Variants in BBS9 observed in about 807,000 individuals in gnomAD.
BBS9 encodes protein PTHB1.
A neutral mutation model predicts 117.7 loss-of-function variants in BBS9; 89 were observed. The observed-to-expected ratio is 0.76, with a 90% CI of 0.64 to 0.90. The LOEUF (loss-of-function observed/expected upper bound fraction) is 0.90. Among genes scored for constraint, BBS9 ranks in the 40% least tolerant of loss-of-function variants. BBS9 has a pLI of 0.00. For missense variants in BBS9, 982 were observed against 1,042.2 expected (o/e 0.94, Z 0.80); for synonymous variants, 379 against 370.9 (o/e 1.02, Z -0.25).
chr7:33,618,661 G>T (rs1008537847), intron 21 of BBS9, among the ~76,000 whole-genome samples: 1 of 151,998 alleles, frequency 6.6e-6, no homozygotes, highest in Non-Finnish European at 1.5e-5. Context: ...TCCAGACCAG[G>T]CCGGGCAATA....
At chr7:33,204,405 T>TGA (rs1786513495) in intron 5 of BBS9, among the ~76,000 whole-genome samples, 1 of 25,768 alleles carries the variant, frequency 3.9e-5, no homozygotes, top group African/African-American at 1.6e-4. Flanking sequence ...AGACTCCATC[T>TGA]CAAAAAAAAA....
At chr7:33,242,877 G>A (rs530103102) in intron 5 of BBS9, 174 of 511,712 alleles carry the variant, frequency 3.4e-4, no homozygotes, top group Non-Finnish European at 6.3e-4. Context: ...ATAACATTCA[G>A]TTGGAGAAAC....
chr7:33,427,015 T>A (rs1176077428), intron 19 of BBS9, among the ~76,000 whole-genome samples: 3 of 152,150 alleles, frequency 2.0e-5, no homozygotes, highest in African/African-American at 7.2e-5. Flanking sequence ...AGAACAAGGT[T>A]TAAGCATGAT....
intron 2 of BBS9, among the ~76,000 whole-genome samples, chr7:33,151,219 T>C (rs1298568121): frequency 1.3e-5 from 2 of 151,774 alleles, no homozygotes; most frequent in Non-Finnish European, 2.9e-5. Context: ...ATCACTGTAC[T>C]CAAGCCTGGG....
intron 17 of BBS9, among the ~76,000 whole-genome samples, chr7:33,369,235 T>C (rs976721342): frequency 2.0e-5 from 3 of 152,180 alleles, no homozygotes; most frequent in Admixed American, 2.0e-4. Flanking sequence ...TATGCCAACA[T>C]TTCTTTGGGA....
At chr7:33,365,504 A>G (rs188533441) in intron 16 of BBS9, among the ~76,000 whole-genome samples, 6 of 152,312 alleles carry the variant, frequency 3.9e-5, no homozygotes, top group South Asian at 2.1e-4. Flanking sequence ...AGTGAGGGCT[A>G]TTGGGATCTT....
At chr7:33,492,572 G>A (rs1020716753) in intron 19 of BBS9, among the ~76,000 whole-genome samples, 5 of 152,142 alleles carry the variant, frequency 3.3e-5, no homozygotes, top group Non-Finnish European at 7.4e-5. Flanking sequence ...GGCCAGGCAG[G>A]TAACACAGAT....
At chr7:33,602,973 C>T (rs762452700) in intron 21 of BBS9, among the ~76,000 whole-genome samples, 9 of 152,088 alleles carry the variant, frequency 5.9e-5, no homozygotes, top group African/African-American at 9.7e-5. Context: ...TTTGAGCCCA[C>T]GTGATAGAGA....
intron 19 of BBS9, among the ~76,000 whole-genome samples, chr7:33,392,373 T>C (rs1827210124): frequency 6.6e-6 from 1 of 152,236 alleles, no homozygotes; most frequent in African/African-American, 2.4e-5. Context: ...AGGATGTATT[T>C]ACTCATGTAT....
chr7:33,463,377 G>T (rs115988193), intron 19 of BBS9, among the ~76,000 whole-genome samples: 1 of 151,986 alleles, frequency 6.6e-6, no homozygotes, highest in Non-Finnish European at 1.5e-5. Flanking sequence ...CCTGCATCTT[G>T]CTCTGTAGAT....
intron 19 of BBS9, among the ~76,000 whole-genome samples, chr7:33,499,084 G>T (rs1293943783): frequency 1.3e-5 from 2 of 152,072 alleles, no homozygotes; most frequent in East Asian, 3.8e-4. Context: ...ATTAGCCAAA[G>T]AAAAATATTC....
At chr7:33,215,743 G>A (rs1314072661) in intron 5 of BBS9, among the ~76,000 whole-genome samples, 2 of 152,176 alleles carry the variant, frequency 1.3e-5, no homozygotes, top group Non-Finnish European at 2.9e-5. Context: ...AGTGAAATAA[G>A]CCAAGCACTG....
chr7:33,494,330 C>A (rs1844428510), intron 19 of BBS9, among the ~76,000 whole-genome samples: 1 of 152,144 alleles, frequency 6.6e-6, no homozygotes, highest in Non-Finnish European at 1.5e-5. Flanking sequence ...GGATGAGAAA[C>A]CCTGCTCTAG....
rs78449122 is a variant in BBS9, at chr7:33,390,414, C to A, written c.2115+2270C>A. On this transcript the variant is annotated intron_variant, in intron 19 of 22. Coordinates refer to ENST00000242067, the MANE Select transcript of BBS9 (RefSeq NM_198428.3). ...ATGATTTGTAATATTACAGACAAGACGATCAAAACCATGGCTTTTCACTTG... is the reference window on the plus strand; with the variant it reads ...ATGATTTGTAATATTACAGACAAGAAGATCAAAACCATGGCTTTTCACTTG... 3.0e-6 allele frequency: 3 copies of A among 984,992 alleles called. 1 individual carries two copies. The highest frequency in any genetic ancestry group is 9.4e-5 in the South Asian group (2 of 21,284). 61.0% of individuals were successfully genotyped at this position (984,992 alleles called of 1,614,324 possible).
chr7:33,593,792 C>G (rs991018248), intron 21 of BBS9, among the ~76,000 whole-genome samples: 2 of 152,160 alleles, frequency 1.3e-5, no homozygotes, highest in African/African-American at 4.8e-5. Context: ...GCCCTGTTTA[C>G]AGACTGACAT....
intron 4 of BBS9, among the ~76,000 whole-genome samples, chr7:33,160,006 C>T (rs1299095175): frequency 6.6e-6 from 1 of 152,138 alleles, no homozygotes; most frequent in African/African-American, 2.4e-5. Flanking sequence ...CTCTATAATG[C>T]TCAATGTGAT....
At chr7:33,406,595 G>C (rs1291329468) in intron 19 of BBS9, among the ~76,000 whole-genome samples, 1 of 152,206 alleles carries the variant, frequency 6.6e-6, no homozygotes, top group East Asian at 1.9e-4. Context: ...TCCATGTTTA[G>C]TGCTTCCTTC....
rs373410318 is a variant in BBS9 at position 33,188,112 on chromosome 7, G to GTGTGTGT, written c.442+10521_442+10522insTGTGTGT. On this transcript the variant is annotated intron_variant, in intron 5 of 22. Coordinates refer to ENST00000242067, the MANE Select transcript of BBS9 (RefSeq NM_198428.3). ...TGTGTGTGTGTGTGTGTGTGTGTGT[G>GTGTGTGT]GCGGGTGGGGGTGGGGTAGGGTGGG... 1.0e-3 allele frequency among the ~76,000 whole-genome samples: 125 copies of GTGTGTGT among 120,278 alleles called. No individual in the cohort carries two copies. The Middle Eastern group carries it at 0.013, about 13-fold the overall frequency. The allele number at this position is 120,278 out of a possible 152,430, so 78.9% of individuals were successfully genotyped here.
intron 5 of BBS9, among the ~76,000 whole-genome samples, chr7:33,188,903 A>AG (rs1019286600): frequency 6.6e-6 from 1 of 152,128 alleles, no homozygotes; most frequent in Non-Finnish European, 1.5e-5. Flanking sequence ...ATGTTTTATA[A>AG]GGGGGGGAGA....
Sources: allele counts gnomAD v4.1 joint callset (sites outside exome capture counted in the v4.1 genomes callset), GRCh38; gene constraint gnomAD v4.1.1; transcripts MANE v1.5; gene names NCBI Gene and HGNC (gene_info 2026-07-23, HGNC 2026-07-21).